CTDSP2: variants seen among roughly 807,000 people sequenced by gnomAD.
CTDSP2 encodes carboxy-terminal domain RNA polymerase II polypeptide A small phosphatase 2.
In CTDSP2, 9 loss-of-function variants were observed where a neutral mutation model predicts 31.6. The ratio of observed to expected loss-of-function variants is 0.28; its 90% CI spans 0.17 to 0.50. The LOEUF (loss-of-function observed/expected upper bound fraction) is 0.50, where lower values mean the gene tolerates loss of function less well. CTDSP2 is among the 20% of genes least tolerant of loss of function. The pLI is 0.98. For synonymous variants in CTDSP2, 134 were observed against 134.5 expected (o/e 1.00, Z 0.03); for missense variants, 267 against 348.5 (o/e 0.77, Z 1.86).
chr12:57,844,095 T>C (rs547209367), intron 1 of CTDSP2, among the ~76,000 whole-genome samples: 2 of 152,296 alleles, frequency 1.3e-5, no homozygotes, highest in African/African-American at 4.8e-5. Flanking sequence ...CTTGGGAGGC[T>C]GAGGCAGGAG....
At position 57,823,443 on chromosome 12, in the gene CTDSP2, C is replaced by T. The variant is rs1261644355; in HGVS notation, c.*159G>A. ...GTATCATTGGTCTGGCATTCGCCCA[C>T]TCGGCATCTAAGCTGTCCTAAAGCT... On this transcript the variant is annotated 3_prime_UTR_variant, in exon 8 of 8. Transcript: ENST00000398073. The T allele has an allele frequency of 1.3e-6, 1 of 782,900 alleles. No individual in the cohort carries two copies. Among genetic ancestry groups the T allele is most frequent in the East Asian group, 2.7e-5 (1 of 36,962 alleles). The allele number at this position is 782,900 out of a possible 1,614,324, so 48.5% of individuals were successfully genotyped here.
At position 57,820,047 on chromosome 12, in the gene CTDSP2, T is replaced by G. The variant is rs1172283392; in HGVS notation, c.*3555A>C. The G allele has an allele frequency of 6.6e-6, 1 of 152,616 alleles. No homozygotes were observed. Among genetic ancestry groups the G allele is most frequent in the Non-Finnish European group, 1.5e-5 (1 of 68,042 alleles). The allele number at this position is 152,616 out of a possible 1,614,324, so 9.5% of individuals were successfully genotyped here. On this transcript the variant is annotated 3_prime_UTR_variant, in exon 8 of 8. Transcript: ENST00000398073. Reference sequence around the variant, plus strand: ...TTTCAAGTTTTTGAATACAACAAATTTATCAAACCATGAATCTGTAAGCAA... The same window carrying G: ...TTTCAAGTTTTTGAATACAACAAATGTATCAAACCATGAATCTGTAAGCAA...
At chr12:57,831,050 A>G (rs1046525223) in intron 1 of CTDSP2, among the ~76,000 whole-genome samples, 3 of 150,550 alleles carry the variant, frequency 2.0e-5, no homozygotes, top group Non-Finnish European at 4.4e-5. Context: ...GCCTGGCCAC[A>G]AAGTCATTTT....
At chr12:57,839,920 C>A (rs1445669952) in intron 1 of CTDSP2, among the ~76,000 whole-genome samples, 1 of 151,942 alleles carries the variant, frequency 6.6e-6, no homozygotes, top group Non-Finnish European at 1.5e-5. Flanking sequence ...TAGTACCTTG[C>A]CTATGGCAAG....
intron 1 of CTDSP2, among the ~76,000 whole-genome samples, chr12:57,832,513 C>T (rs1358787986): frequency 3.3e-5 from 5 of 151,880 alleles, no homozygotes; most frequent in South Asian, 2.1e-4. Flanking sequence ...AAAGACAGGG[C>T]GGTCGTGGTG....
chr12:57,842,949 C>T (rs1440511069), intron 1 of CTDSP2, among the ~76,000 whole-genome samples: 1 of 152,002 alleles, frequency 6.6e-6, no homozygotes, highest in Non-Finnish European at 1.5e-5. Context: ...AAGAGCTAGC[C>T]ATCCTGAAAA....
intron 1 of CTDSP2, among the ~76,000 whole-genome samples, chr12:57,844,214 A>C (rs558871488): frequency 1.3e-5 from 2 of 152,306 alleles, no homozygotes; most frequent in East Asian, 1.9e-4. Flanking sequence ...AAAAAATTAC[A>C]TGGGGAGGGA....
At position 57,821,687 on chromosome 12, in the gene CTDSP2, A is replaced by G. The variant is rs753660497; in HGVS notation, c.*1915T>C. 2 of 152,220 alleles carry G rather than the reference A, an allele frequency of 1.3e-5. No homozygotes were observed. Among genetic ancestry groups the G allele is most frequent in the Non-Finnish European group, 1.5e-5 (1 of 68,056 alleles). 9.4% of individuals were successfully genotyped at this position (152,220 alleles called of 1,614,324 possible). A position where few individuals can be genotyped will look rare whatever the true frequency, so the allele number is the denominator to read the frequency against. On this transcript the variant is annotated 3_prime_UTR_variant, in exon 8 of 8. Transcript: ENST00000398073. ...CTCCTGCTTTCCTTCAAGAGACAGTATATTTCTGGCTAGCACATGGGGTCC... is the reference window on the plus strand; with the variant it reads ...CTCCTGCTTTCCTTCAAGAGACAGTGTATTTCTGGCTAGCACATGGGGTCC...
chr12:57,835,420 G>A (rs113102416), intron 1 of CTDSP2, among the ~76,000 whole-genome samples: 96 of 152,072 alleles, frequency 6.3e-4, no homozygotes, highest in African/African-American at 2.0e-3. Flanking sequence ...TCCTCTCAAA[G>A]TGCTAGGATT....
Position 57,846,536 on chromosome 12 carries a change from G to T in CTDSP2, c.-101C>A. On this transcript the variant is annotated 5_prime_UTR_variant, in exon 1 of 8. Coordinates refer to ENST00000398073, the MANE Select transcript of CTDSP2 (RefSeq NM_005730.4). Reference sequence around the variant, plus strand: ...TGGGCGGGGGCCCGCTCCGGCTCCCGAGACTCCGACTTCCACAGCTGTTCA... The same window carrying T: ...TGGGCGGGGGCCCGCTCCGGCTCCCTAGACTCCGACTTCCACAGCTGTTCA... 1.1e-6 allele frequency: 1 copy of T among 938,708 alleles called. No homozygotes were observed. 58.1% of individuals were successfully genotyped at this position (938,708 alleles called of 1,614,324 possible). A position where few individuals can be genotyped will look rare whatever the true frequency, so the allele number is the denominator to read the frequency against.
At chr12:57,826,259 T>C (rs1260827344) in intron 5 of CTDSP2, 87 bp downstream of exon 5, 10 of 1,112,488 alleles carry the variant, frequency 9.0e-6, no homozygotes, top group Non-Finnish European at 1.3e-5. Context: ...ACCCAAGCCC[T>C]GAGATGGGTG....
At chr12:57,844,844 G>C (rs985866155) in intron 1 of CTDSP2, among the ~76,000 whole-genome samples, 1 of 152,014 alleles carries the variant, frequency 6.6e-6, no homozygotes, top group African/African-American at 2.4e-5. Context: ...TCCCTTCTCA[G>C]GGCAGGCTTA....
intron 1 of CTDSP2, among the ~76,000 whole-genome samples, chr12:57,837,735 G>A (rs2140482159): frequency 1.3e-5 from 2 of 152,244 alleles, no homozygotes; most frequent in South Asian, 4.1e-4. Context: ...TTAAAAAGCA[G>A]TTTTAGCCAT....
intron 1 of CTDSP2, among the ~76,000 whole-genome samples, chr12:57,837,754 G>T (rs113488898): frequency 0.019 from 2,838 of 152,110 alleles, 66 homozygotes; most frequent in South Asian, 0.07. Flanking sequence ...ATGCTGTTTG[G>T]CCCATACCAG....
At chr12:57,846,266 T>A (rs1200384807) in intron 1 of CTDSP2, 106 bp downstream of exon 1, 2 of 1,052,046 alleles carry the variant, frequency 1.9e-6, no homozygotes, top group Middle Eastern at 2.4e-4. Context: ...TCGGGATCGC[T>A]GGCTCTAAGC....
chr12:57,838,665 G>T (rs754244356), intron 1 of CTDSP2, among the ~76,000 whole-genome samples: 1 of 152,232 alleles, frequency 6.6e-6, no homozygotes, highest in Non-Finnish European at 1.5e-5. Flanking sequence ...CAAAGCAAGG[G>T]TATCTGTTCT....
intron 1 of CTDSP2, among the ~76,000 whole-genome samples, chr12:57,831,049 CAA>C (rs1267428613): frequency 7.7e-6 from 1 of 130,542 alleles, no homozygotes; most frequent in Non-Finnish European, 1.6e-5. Flanking sequence ...CGCCTGGCCA[CAA>C]AGTCATTTTA....
intron 1 of CTDSP2, among the ~76,000 whole-genome samples, chr12:57,845,951 C>A (rs938049871): frequency 6.6e-6 from 1 of 152,180 alleles, no homozygotes; most frequent in Non-Finnish European, 1.5e-5. Flanking sequence ...AGTCTCGGTT[C>A]CGTTCCACCT....
In CTDSP2 at chr12:57,823,713, G is replaced by A. The variant is rs778803247; in HGVS notation, c.705C>T (p.Ser235=). 1.9e-6 allele frequency: 3 copies of A among 1,613,886 alleles called. No homozygotes were observed. The African/African-American group carries it at 4.0e-5, about 22-fold the overall frequency. ...CAGTGTCTGCCATGTCATCAAACCAGGACTGCACAGGCACCTGGTGGGGGG... is the reference window on the plus strand; with the variant it reads ...CAGTGTCTGCCATGTCATCAAACCAAGACTGCACAGGCACCTGGTGGGGGG... ...FHPENAVPVQ[S]WFDDMADTEL... is the part of the protein sequence containing the mutation. The change falls in exon 8 of 8, where the codon TCC becomes TCT. Residue 235 remains serine, a synonymous_variant. Coordinates refer to ENST00000398073, the MANE Select transcript of CTDSP2 (RefSeq NM_005730.4).
Sources: gnomAD v4.1 joint callset for allele counts (sites outside exome capture counted in the v4.1 genomes callset) on GRCh38, gnomAD v4.1.1 for gene constraint, MANE v1.5 for transcripts, NCBI Gene and HGNC (gene_info 2026-07-23, HGNC 2026-07-21) for gene names.